The following PTPRM variants were observed in gnomAD, a reference collection of about 807,000 sequenced individuals.
PTPRM encodes protein tyrosine phosphatase receptor type M, also known as receptor-type tyrosine-protein phosphatase mu.
In PTPRM, 47 loss-of-function variants were observed where a neutral mutation model predicts 186.7. The observed-to-expected ratio is 0.25, with a 90% CI of 0.20 to 0.32. The LOEUF is 0.32. Among genes scored for constraint, PTPRM ranks in the 10% least tolerant of loss-of-function variants. The probability of loss-of-function intolerance (pLI) is 1.00; values close to 1 mark genes in which losing one functional copy is unlikely to be tolerated. For missense variants in PTPRM, 1,494 were observed against 1,865.0 expected (o/e 0.80, Z 3.66); for synonymous variants, 668 against 674.9 (o/e 0.99, Z 0.16).
intron 15 of PTPRM, 61 bp from the exon 16 acceptor site, chr18:8,247,784 T>C: frequency 8.0e-7 from 1 of 1,247,404 alleles, no homozygotes; most frequent in South Asian, 1.2e-5. Flanking sequence ...TCTCAGAGCA[T>C]TGTGTGTTCA....
At chr18:7,605,119 G>A (rs962216316) in intron 1 of PTPRM, among the ~76,000 whole-genome samples, 6 of 152,098 alleles carry the variant, frequency 3.9e-5, no homozygotes, top group African/African-American at 1.4e-4. Context: ...GGGCCGTGTT[G>A]GAAGAAGAGC....
At chr18:8,050,859 A>T (rs149194950) in intron 7 of PTPRM, among the ~76,000 whole-genome samples, 1 of 152,226 alleles carries the variant, frequency 6.6e-6, no homozygotes, top group Admixed American at 6.5e-5. Context: ...TCCTGATGTG[A>T]CAGCCCTGAG....
intron 13 of PTPRM, among the ~76,000 whole-genome samples, chr18:8,130,162 G>A (rs114034368): frequency 0.013 from 2,053 of 152,224 alleles, 46 homozygotes; most frequent in African/African-American, 0.047. Flanking sequence ...TGGATTTGGC[G>A]TTCATTTCTG....
chr18:7,603,809 T>C (rs1042999141), intron 1 of PTPRM, among the ~76,000 whole-genome samples: 10 of 152,200 alleles, frequency 6.6e-5, no homozygotes, highest in African/African-American at 2.2e-4. Flanking sequence ...AATGGAGCAT[T>C]GATCCCTGCT....
rs2094497964 is a variant in PTPRM, at chr18:8,248,463, G to A, written c.2554+287G>A. The A allele has an allele frequency of 1.2e-5, 6 of 485,982 alleles. No individual in the cohort carries two copies. In the Admixed American group the frequency reaches 1.3e-4, roughly 11 times the overall value. The allele number at this position is 485,982 out of a possible 1,614,324, so 30.1% of individuals were successfully genotyped here. On this transcript the variant is annotated intron_variant, in intron 17 of 32. Transcript: ENST00000580170. ...TCCCTTTCTGTGTTCAGAATTTAAA[G>A]TTAGGTCTGATCCCAGGGGAAAAAA...
At chr18:8,172,203 G>T (rs4798611) in intron 14 of PTPRM, among the ~76,000 whole-genome samples, 3 of 151,604 alleles carry the variant, frequency 2.0e-5, no homozygotes, top group Admixed American at 2.0e-4. Context: ...ATGGCGGAAG[G>T]TGAGAAAGGT....
chr18:8,278,120 A>G (rs974466221), intron 19 of PTPRM, among the ~76,000 whole-genome samples: 3 of 152,182 alleles, frequency 2.0e-5, no homozygotes, highest in African/African-American at 7.2e-5. Context: ...CTCATATGTC[A>G]CCTAAGAAAC....
At chr18:8,349,880 CCACTGGTCACCCTGGTGTTCA>C (rs1303678377) in intron 23 of PTPRM, among the ~76,000 whole-genome samples, 1 of 152,226 alleles carries the variant, frequency 6.6e-6, no homozygotes, top group East Asian at 1.9e-4. Flanking sequence ...AGCAGCGTCC[CCACTGGTCACCCTGGTGTTCA>C]CACTGGTCAC....
At chr18:7,578,746 T>G (rs1178176524) in intron 1 of PTPRM, among the ~76,000 whole-genome samples, 1 of 152,064 alleles carries the variant, frequency 6.6e-6, no homozygotes, top group Non-Finnish European at 1.5e-5. Context: ...GTGCTGGGAT[T>G]ACAGGCGTGA....
In PTPRM at chr18:7,661,423, C is replaced by A. The variant is rs1224073296; in HGVS notation, c.73+93532C>A. On this transcript the variant is annotated intron_variant, in intron 1 of 32. Coordinates refer to ENST00000580170, the MANE Select transcript of PTPRM (RefSeq NM_001105244.2). Reference sequence around the variant, plus strand: ...CCAGTGCAGTTTGCTGTTGTAAAGACCTTAGCCCTGACTGAATTCTCCACA... The same window carrying A: ...CCAGTGCAGTTTGCTGTTGTAAAGAACTTAGCCCTGACTGAATTCTCCACA... 2.6e-5 allele frequency among the ~76,000 whole-genome samples: 4 copies of A among 152,216 alleles called. No individual in the cohort carries two copies. In the East Asian group the frequency reaches 7.7e-4, roughly 29 times the overall value.
chr18:7,750,701 A>G (rs551030980), intron 1 of PTPRM, among the ~76,000 whole-genome samples: 2 of 152,278 alleles, frequency 1.3e-5, no homozygotes, highest in African/African-American at 4.8e-5. Context: ...AATACGTGCT[A>G]TCTCATGACC....
chr18:8,134,884 T>C (rs1329325102), intron 13 of PTPRM, among the ~76,000 whole-genome samples: 1 of 152,186 alleles, frequency 6.6e-6, no homozygotes, highest in Non-Finnish European at 1.5e-5. Flanking sequence ...AGGAGTCAGC[T>C]TCACAGTCAG....
intron 23 of PTPRM, among the ~76,000 whole-genome samples, chr18:8,355,467 G>A (rs1162425044): frequency 1.3e-5 from 2 of 152,094 alleles, no homozygotes; most frequent in Non-Finnish European, 2.9e-5. Flanking sequence ...GGGGATTCTA[G>A]GGAGAACTGA....
At chr18:7,710,276 A>G (rs1251798937) in intron 1 of PTPRM, among the ~76,000 whole-genome samples, 1 of 152,250 alleles carries the variant, frequency 6.6e-6, no homozygotes, top group Non-Finnish European at 1.5e-5. Flanking sequence ...CATCACATAA[A>G]CAGAATTAAA....
chr18:7,767,318 T>C (rs1392823563), intron 1 of PTPRM, among the ~76,000 whole-genome samples: 1 of 152,212 alleles, frequency 6.6e-6, no homozygotes, highest in Non-Finnish European at 1.5e-5. Context: ...TAGAGATAAA[T>C]TTGGTTTTTA....
intron 7 of PTPRM, among the ~76,000 whole-genome samples, chr18:8,012,341 C>T (rs906117942): frequency 2.4e-4 from 37 of 152,164 alleles, no homozygotes; most frequent in African/African-American, 8.7e-4. Flanking sequence ...TGTGACAGAT[C>T]GACAGGCCAT....
At chr18:7,691,900 G>A (rs1266116438) in intron 1 of PTPRM, among the ~76,000 whole-genome samples, 1 of 150,672 alleles carries the variant, frequency 6.6e-6, no homozygotes, top group Admixed American at 6.6e-5. Context: ...ATCCCAGGAG[G>A]TTAAGGAGGT....
intron 5 of PTPRM, among the ~76,000 whole-genome samples, chr18:7,937,076 C>T (rs2051860764): frequency 6.6e-6 from 1 of 152,212 alleles, no homozygotes; most frequent in African/African-American, 2.4e-5. Context: ...CTCCTGTTCA[C>T]CTTACTCACC....
At chr18:7,867,366 T>C (rs1015439795) in intron 2 of PTPRM, among the ~76,000 whole-genome samples, 1 of 152,242 alleles carries the variant, frequency 6.6e-6, no homozygotes. Flanking sequence ...TAGTGCTTCC[T>C]TGAGGAGTTC....
Sources: allele counts gnomAD v4.1 joint callset (sites outside exome capture counted in the v4.1 genomes callset), GRCh38; gene constraint gnomAD v4.1.1; transcripts MANE v1.5; gene names NCBI Gene and HGNC (gene_info 2026-07-23, HGNC 2026-07-21).